Variants in CFAP54 observed in about 807,000 individuals in gnomAD.
The protein encoded by CFAP54 is cilia- and flagella-associated protein 54.
Under a neutral mutation model 370.4 loss-of-function variants are expected in CFAP54, and 290 were observed. The ratio of observed to expected loss-of-function variants is 0.78; its 90% CI spans 0.71 to 0.86. CFAP54 has a LOEUF of 0.86. Among genes scored for constraint, CFAP54 ranks in the 40% least tolerant of loss-of-function variants. The probability of loss-of-function intolerance (pLI) is 0.00; values close to 1 mark genes in which losing one functional copy is unlikely to be tolerated. For synonymous variants in CFAP54, 1,206 were observed against 1,236.5 expected (o/e 0.98, Z 0.52); for missense variants, 3,399 against 3,528.7 (o/e 0.96, Z 0.93).
intron 51 of CFAP54, 21 bp from the exon 52 acceptor site, chr12:96,742,418 C>T: frequency 2.0e-6 from 3 of 1,521,476 alleles, no homozygotes; most frequent in South Asian, 1.1e-5. Context: ...GAAAGATAAC[C>T]ATCATTTTAA....
At position 96,817,814 on chromosome 12, in the gene CFAP54, A is replaced by G. The variant is rs1565989430; in HGVS notation, c.8997A>G (p.Gln2999=). The G allele has an allele frequency of 6.6e-7, 1 of 1,508,982 alleles. No homozygotes were observed. The highest frequency in any genetic ancestry group is 2.1e-5 in the Admixed American group (1 of 47,670). The allele number at this position is 1,508,982 out of a possible 1,614,324, so 93.5% of individuals were successfully genotyped here. A position where few individuals can be genotyped will look rare whatever the true frequency, so the allele number is the denominator to read the frequency against. ...ATGAGAAATTATCTAATCTTGCTCA[A>G]ATAGCTGAACTATCATTGCCAGCAG... The part of the protein sequence containing the change: ...AIHEKLSNLA[Q]IAELSLPAAP... The change falls in exon 65 of 68, where the codon CAA becomes CAG. Residue 2999 remains glutamine, a synonymous_variant. Coordinates refer to ENST00000524981, the MANE Select transcript of CFAP54 (RefSeq NM_001306084.2).
chr12:96,859,915 A>T (rs548098475), intron 66 of CFAP54, among the ~76,000 whole-genome samples: 1 of 152,200 alleles, frequency 6.6e-6, no homozygotes, highest in African/African-American at 2.4e-5. Flanking sequence ...GGGAGAGATT[A>T]TTAATTTTTT....
chr12:96,845,697 T>C (rs761749137), intron 66 of CFAP54, among the ~76,000 whole-genome samples: 1 of 152,234 alleles, frequency 6.6e-6, no homozygotes, highest in Non-Finnish European at 1.5e-5. Context: ...GCTTGTGATC[T>C]CAAGGGTATT....
Position 96,657,972 on chromosome 12 carries a change from C to A in CFAP54, c.5191C>A (p.Pro1731Thr). Residue 1731 changes from proline (P) to threonine (T), a missense_variant, in exon 37 of 68, where the codon CCT (proline) becomes ACT (threonine). Coordinates refer to ENST00000524981, the MANE Select transcript of CFAP54 (RefSeq NM_001306084.2). ...TGGTTCTAGTCTTACCTTTGAGCATCCTTTGGATGATGTAAATGTGGTTGA... is the reference window on the plus strand; with the variant it reads ...TGGTTCTAGTCTTACCTTTGAGCATACTTTGGATGATGTAAATGTGGTTGA... ...NGGSSLTFEH[P>T]LDDVNVVDLK... The A allele has an allele frequency of 1.9e-6, 3 of 1,613,540 alleles. No homozygotes were observed. The highest frequency in any genetic ancestry group is 2.5e-6 in the Non-Finnish European group (3 of 1,179,746).
At chr12:96,779,000 G>A (rs563768710) in intron 60 of CFAP54, among the ~76,000 whole-genome samples, 1 of 151,846 alleles carries the variant, frequency 6.6e-6, no homozygotes, top group East Asian at 1.9e-4. Flanking sequence ...CCCAGTTACT[G>A]GGAGGCTGAG....
At chr12:96,567,188 C>T (rs1041210290) in intron 19 of CFAP54, among the ~76,000 whole-genome samples, 23 of 152,050 alleles carry the variant, frequency 1.5e-4, no homozygotes, top group Non-Finnish European at 1.9e-4. Flanking sequence ...GGTCCCAAGG[C>T]GAGAAATGTC....
In CFAP54 at chr12:96,733,887, G is replaced by A. The variant is rs7313677; in HGVS notation, c.6966-6069G>A. ...ATTTGGGTTTCAAGATGAGAAGAAT[G>A]GAATGGGTACCACTTTCTTTTTCCA... On this transcript the variant is annotated intron_variant, in intron 50 of 67. Transcript: ENST00000524981. 5.9e-3 allele frequency among the ~76,000 whole-genome samples: 898 copies of A among 152,234 alleles called. 8 individuals are homozygous for A. Among genetic ancestry groups the A allele is most frequent in the African/African-American group, 0.02 (838 of 41,552 alleles).
chr12:96,643,129 C>T (rs1956752147), intron 32 of CFAP54, among the ~76,000 whole-genome samples: 1 of 152,098 alleles, frequency 6.6e-6, no homozygotes, highest in South Asian at 2.1e-4. Context: ...TTTTAACTTT[C>T]AGGATACAGC....
intron 11 of CFAP54, among the ~76,000 whole-genome samples, chr12:96,535,313 G>A (rs1955490419): frequency 6.6e-6 from 1 of 152,132 alleles, no homozygotes; most frequent in South Asian, 2.1e-4. Flanking sequence ...GCCTCCCAAA[G>A]TGCTGGGATG....
chr12:96,783,899 G>T (rs10860096), intron 60 of CFAP54, among the ~76,000 whole-genome samples: 1 of 151,130 alleles, frequency 6.6e-6, no homozygotes, highest in South Asian at 2.1e-4. Context: ...AAGAAAAAAA[G>T]AAAAGAAAAG....
intron 40 of CFAP54, among the ~76,000 whole-genome samples, chr12:96,681,913 G>T (rs1162683187): frequency 6.6e-6 from 1 of 152,022 alleles, no homozygotes; most frequent in East Asian, 1.9e-4. Flanking sequence ...TGTAGTGCTT[G>T]TGATGAGATA....
intron 63 of CFAP54, among the ~76,000 whole-genome samples, chr12:96,806,569 C>T (rs529276997): frequency 4.9e-4 from 74 of 152,136 alleles, no homozygotes; most frequent in African/African-American, 1.7e-3. Context: ...CATTTTAAGA[C>T]AAGCTCAGTC....
chr12:96,576,317 C>G (rs1955975246), intron 19 of CFAP54, among the ~76,000 whole-genome samples: 1 of 151,242 alleles, frequency 6.6e-6, no homozygotes, highest in African/African-American at 2.4e-5. Flanking sequence ...AATGTACTAC[C>G]TCATATTCAT....
chr12:96,553,345 A>G (rs1229004019), intron 15 of CFAP54, among the ~76,000 whole-genome samples: 1 of 152,058 alleles, frequency 6.6e-6, no homozygotes, highest in Non-Finnish European at 1.5e-5. Context: ...GCAAAGTGAT[A>G]TTGCATATGG....
At position 96,494,548 on chromosome 12, in the gene CFAP54, G is replaced by A. The variant is rs142345365; in HGVS notation, c.317+4622G>A. Among the ~76,000 whole-genome samples the A allele has an allele frequency of 7.7e-3, 1,165 of 151,838 alleles. 31 individuals are homozygous for A. The highest frequency in any genetic ancestry group is 0.055 in the East Asian group (282 of 5,128). Reference sequence around the variant, plus strand: ...ACTCCTGATCTCAAGTGATCCACCCGCCTCAGCCTCCCAAAGTGCTGGGAT... The same window carrying A: ...ACTCCTGATCTCAAGTGATCCACCCACCTCAGCCTCCCAAAGTGCTGGGAT... On this transcript the variant is annotated intron_variant, in intron 1 of 67. Transcript: ENST00000524981.
intron 51 of CFAP54, among the ~76,000 whole-genome samples, chr12:96,742,200 G>C (rs982164774): frequency 6.6e-6 from 1 of 152,172 alleles, no homozygotes; most frequent in Admixed American, 6.5e-5. Context: ...GGTACGGAGA[G>C]AAAAGGAAAG....
chr12:96,856,728 A>C (rs1337277837), intron 66 of CFAP54, among the ~76,000 whole-genome samples: 1 of 152,192 alleles, frequency 6.6e-6, no homozygotes, highest in Non-Finnish European at 1.5e-5. Flanking sequence ...CTAAGTCTCT[A>C]GGAAGTTCCT....
At chr12:96,610,877 C>T (rs1020643354) in intron 26 of CFAP54, among the ~76,000 whole-genome samples, 36 of 151,846 alleles carry the variant, frequency 2.4e-4, no homozygotes, top group African/African-American at 8.5e-4. Flanking sequence ...AGTAGGTAAA[C>T]AAAGCAGCTG....
intron 48 of CFAP54, among the ~76,000 whole-genome samples, chr12:96,713,579 ACT>A (rs1957637993): frequency 6.6e-6 from 1 of 152,104 alleles, no homozygotes; most frequent in Non-Finnish European, 1.5e-5. Flanking sequence ...CACAAAAAAT[ACT>A]CTCTGAAAAC....
Sources: gnomAD v4.1 joint callset for allele counts (sites outside exome capture counted in the v4.1 genomes callset) on GRCh38, gnomAD v4.1.1 for gene constraint, MANE v1.5 for transcripts, NCBI Gene and HGNC (gene_info 2026-07-23, HGNC 2026-07-21) for gene names.